The following PLCB1 variants were observed in gnomAD, a reference collection of about 807,000 sequenced individuals.
PLCB1 encodes the protein phospholipase C beta 1.
PLCB1 carries 46 observed loss-of-function variants against 161.8 expected under a neutral mutation model. That is an observed-to-expected ratio of 0.28 (90% CI 0.22 to 0.36). PLCB1 has a LOEUF of 0.36. Ranked by LOEUF, PLCB1 falls within the 10% of genes least tolerant of loss-of-function variation. The probability of loss-of-function intolerance (pLI) is 1.00; values close to 1 mark genes in which losing one functional copy is unlikely to be tolerated. For synonymous variants in PLCB1, 517 were observed against 503.7 expected (o/e 1.03, Z -0.35); for missense variants, 1,016 against 1,472.5 (o/e 0.69, Z 5.07).
At chr20:8,725,376 G>A (rs533122732) in intron 16 of PLCB1, among the ~76,000 whole-genome samples, 22 of 152,184 alleles carry the variant, frequency 1.4e-4, no homozygotes, top group South Asian at 1.2e-3. Context: ...TGCATGAAGC[G>A]TAAGATGCTA....
At chr20:8,371,648 G>T (rs1188890699) in intron 3 of PLCB1, 198 bp downstream of exon 3, 2 of 419,050 alleles carry the variant, frequency 4.8e-6, no homozygotes, top group Non-Finnish European at 8.4e-6. Flanking sequence ...GGACAGAGGG[G>T]CTTGCTTTAT....
At chr20:8,448,918 C>T (rs1029571782) in intron 3 of PLCB1, among the ~76,000 whole-genome samples, 2 of 152,138 alleles carry the variant, frequency 1.3e-5, no homozygotes, top group Non-Finnish European at 2.9e-5. Flanking sequence ...ATAGGATGAA[C>T]TTGGAGGTCT....
intron 3 of PLCB1, among the ~76,000 whole-genome samples, chr20:8,532,538 C>T (rs1984856712): frequency 6.6e-6 from 1 of 152,182 alleles, no homozygotes; most frequent in African/African-American, 2.4e-5. Flanking sequence ...AGGACATTTC[C>T]AGGAGCTAAA....
chr20:8,454,231 T>C (rs1423401141), intron 3 of PLCB1, among the ~76,000 whole-genome samples: 2 of 152,162 alleles, frequency 1.3e-5, no homozygotes, highest in African/African-American at 4.8e-5. Context: ...GTCCCAGGCA[T>C]GTGACTGCAG....
At chr20:8,704,304 A>C (rs1035499699) in intron 11 of PLCB1, among the ~76,000 whole-genome samples, 2 of 152,136 alleles carry the variant, frequency 1.3e-5, no homozygotes, top group African/African-American at 4.8e-5. Context: ...CAGTGAGCCA[A>C]GATCATGCTA....
chr20:8,847,844 CGTA>C (rs1426222942), intron 31 of PLCB1, among the ~76,000 whole-genome samples: 2 of 152,180 alleles, frequency 1.3e-5, no homozygotes, highest in Non-Finnish European at 2.9e-5. Context: ...TATAGGGTAT[CGTA>C]GTCTGCTTTG....
chr20:8,467,626 T>G (rs1981876502), intron 3 of PLCB1, among the ~76,000 whole-genome samples: 1 of 152,182 alleles, frequency 6.6e-6, no homozygotes, highest in Admixed American at 6.5e-5. Flanking sequence ...GTGTTATATT[T>G]GAGTTCCTTC....
chr20:8,262,373 A>G (rs11087795), intron 2 of PLCB1, among the ~76,000 whole-genome samples: 47,117 of 151,876 alleles, frequency 0.31, 7,583 homozygotes, highest in East Asian at 0.44. Context: ...TTACAGGTGT[A>G]AGCCATTGCA....
intron 3 of PLCB1, among the ~76,000 whole-genome samples, chr20:8,477,506 A>C (rs1982330988): frequency 6.6e-6 from 1 of 152,168 alleles, no homozygotes; most frequent in East Asian, 1.9e-4. Context: ...GTATTAGCCC[A>C]TTTTTGCTTT....
chr20:8,745,962 C>T (rs944178300), intron 23 of PLCB1, among the ~76,000 whole-genome samples: 1 of 152,162 alleles, frequency 6.6e-6, no homozygotes, highest in Non-Finnish European at 1.5e-5. Flanking sequence ...GACAGAGTCT[C>T]GCTCTGTCGT....
intron 24 of PLCB1, among the ~76,000 whole-genome samples, chr20:8,759,851 GTCTTTTC>G (rs1568587948): frequency 1.4e-5 from 2 of 143,310 alleles, no homozygotes; most frequent in African/African-American, 2.6e-5. Context: ...CCAAGTGGAT[GTCTTTTC>G]TCTTTTCTCT....
At chr20:8,560,596 C>G (rs1442720093) in intron 3 of PLCB1, among the ~76,000 whole-genome samples, 1 of 151,992 alleles carries the variant, frequency 6.6e-6, no homozygotes, top group Non-Finnish European at 1.5e-5. Flanking sequence ...CAGAGCTGAA[C>G]TCCATCTAAG....
chr20:8,801,973 A>T (rs1005454273), intron 31 of PLCB1: 6 of 865,612 alleles, frequency 6.9e-6, no homozygotes, highest in Non-Finnish European at 1.2e-5. Context: ...GAGACGTCCC[A>T]GACAAATAAT....
chr20:8,344,662 T>C (rs1187000022), intron 2 of PLCB1, among the ~76,000 whole-genome samples: 2 of 152,158 alleles, frequency 1.3e-5, no homozygotes, highest in Non-Finnish European at 2.9e-5. Flanking sequence ...CTCCCGGTGC[T>C]CACCCCAACA....
chr20:8,387,802 G>A (rs1427367741), intron 3 of PLCB1, among the ~76,000 whole-genome samples: 1 of 152,110 alleles, frequency 6.6e-6, no homozygotes. Context: ...GCCTGGGGGA[G>A]GAGAAAATGG....
At chr20:8,578,015 C>G (rs77150572) in intron 3 of PLCB1, among the ~76,000 whole-genome samples, 3,781 of 152,264 alleles carry the variant, frequency 0.025, 75 homozygotes, top group Middle Eastern at 0.065. Context: ...CCATAGGGAT[C>G]TCTTTCATCT....
At chr20:8,482,732 A>G (rs1315157128) in intron 3 of PLCB1, among the ~76,000 whole-genome samples, 1 of 152,198 alleles carries the variant, frequency 6.6e-6, no homozygotes, top group Non-Finnish European at 1.5e-5. Context: ...TATAGATTGG[A>G]AAAATATAGA....
chr20:8,546,402 C>A (rs1172995031), intron 3 of PLCB1, among the ~76,000 whole-genome samples: 1 of 151,464 alleles, frequency 6.6e-6, no homozygotes, highest in East Asian at 1.9e-4. Context: ...CCAATGAATC[C>A]CTCTGATGAA....
At chr20:8,752,721 A>AGGT (rs1435210005) in intron 23 of PLCB1, among the ~76,000 whole-genome samples, 2 of 150,706 alleles carry the variant, frequency 1.3e-5, no homozygotes, top group Non-Finnish European at 2.9e-5. Context: ...TGAACCCAGG[A>AGGT]GGTGGAGGTT....
Sources: allele counts gnomAD v4.1 joint callset (sites outside exome capture counted in the v4.1 genomes callset), GRCh38; gene constraint gnomAD v4.1.1; transcripts MANE v1.5; gene names NCBI Gene and HGNC (gene_info 2026-07-23, HGNC 2026-07-21).